The following SLC35F1 variants were observed in gnomAD, a reference collection of about 807,000 sequenced individuals.
SLC35F1 encodes chromosome 6 open reading frame 169.
SLC35F1 carries 14 observed loss-of-function variants against 48.7 expected under a neutral mutation model. The ratio of observed to expected loss-of-function variants is 0.29; its 90% CI spans 0.19 to 0.45. The LOEUF is 0.45. SLC35F1 is among the 20% of genes least tolerant of loss of function. The probability of loss-of-function intolerance (pLI) is 1.00; values close to 1 mark genes in which losing one functional copy is unlikely to be tolerated. For missense variants in SLC35F1, 404 were observed against 500.0 expected, an observed-to-expected ratio of 0.81 and a Z score of 1.83; for synonymous variants, 190 against 202.2, an observed-to-expected ratio of 0.94 and a Z score of 0.51.
intron 1 of SLC35F1, among the ~76,000 whole-genome samples, chr6:117,934,828 C>A (rs573683180): frequency 1.3e-5 from 2 of 152,156 alleles, no homozygotes; most frequent in Non-Finnish European, 2.9e-5. Context: ...CTCACTTGGC[C>A]GGGCATGGCA....
intron 1 of SLC35F1, among the ~76,000 whole-genome samples, chr6:117,946,697 C>A (rs963263943): frequency 6.6e-6 from 1 of 152,118 alleles, no homozygotes; most frequent in Non-Finnish European, 1.5e-5. Flanking sequence ...TGATACAGTA[C>A]CAAAGAAGGG....
intron 1 of SLC35F1, among the ~76,000 whole-genome samples, chr6:117,923,629 A>ATATACG (rs1491299504): frequency 0.052 from 4,057 of 77,372 alleles, 1,255 homozygotes; most frequent in African/African-American, 0.088. Context: ...GTATATATAC[A>ATATACG]TATATGTACA....
Position 117,907,683 on chromosome 6 carries a change from C to T in SLC35F1, c.-44C>T. The T allele has an allele frequency of 3.1e-6, 4 of 1,285,346 alleles. No homozygotes were observed. The highest frequency in any genetic ancestry group is 2.4e-4 in the Middle Eastern group (1 of 4,192). The allele number at this position is 1,285,346 out of a possible 1,614,324, so 79.6% of individuals were successfully genotyped here. A position where few individuals can be genotyped will look rare whatever the true frequency, so the allele number is the denominator to read the frequency against. ...GGGCCCGGAACCGGCACACGATGCACCCGGCTGCGTTCTGATCGCCGCCGC... is the reference window on the plus strand; with the variant it reads ...GGGCCCGGAACCGGCACACGATGCATCCGGCTGCGTTCTGATCGCCGCCGC... On this transcript the variant is annotated 5_prime_UTR_variant, in exon 1 of 8. Coordinates refer to ENST00000360388, the MANE Select transcript of SLC35F1 (RefSeq NM_001029858.4).
chr6:118,054,166 ATTTC>A (rs1772430602), intron 1 of SLC35F1, among the ~76,000 whole-genome samples: 1 of 151,984 alleles, frequency 6.6e-6, no homozygotes, highest in African/African-American at 2.4e-5. Context: ...TGGAGTCTTG[ATTTC>A]TTTCTTATGG....
chr6:118,166,334 G>C (rs1774317466), intron 2 of SLC35F1, among the ~76,000 whole-genome samples: 1 of 152,100 alleles, frequency 6.6e-6, no homozygotes, highest in Admixed American at 6.6e-5. Context: ...AGCTGGAGGA[G>C]TGGGCTATGG....
At chr6:118,034,259 A>G (rs1366354373) in intron 1 of SLC35F1, among the ~76,000 whole-genome samples, 2 of 152,114 alleles carry the variant, frequency 1.3e-5, no homozygotes, top group Admixed American at 1.3e-4. Flanking sequence ...ATGTTCAGGC[A>G]ACACAAAAAC....
intron 1 of SLC35F1, among the ~76,000 whole-genome samples, chr6:117,961,366 A>T (rs747684443): frequency 2.6e-5 from 4 of 152,214 alleles, no homozygotes; most frequent in Non-Finnish European, 2.9e-5. Flanking sequence ...TCTCTACAGG[A>T]TGGGAACATT....
At chr6:118,267,224 A>G (rs999470814) in intron 4 of SLC35F1, 70 bp downstream of exon 4, 1 of 1,568,960 alleles carries the variant, frequency 6.4e-7, no homozygotes, top group South Asian at 1.1e-5. Context: ...TGGAATGTTC[A>G]TAGTTGGGTG....
At chr6:118,069,471 G>C (rs766588171) in intron 1 of SLC35F1, among the ~76,000 whole-genome samples, 3 of 152,190 alleles carry the variant, frequency 2.0e-5, no homozygotes, top group Non-Finnish European at 4.4e-5. Flanking sequence ...CTTTCTCCTG[G>C]AATATGTCTA....
At chr6:118,111,167 C>T (rs1773394363) in intron 1 of SLC35F1, among the ~76,000 whole-genome samples, 1 of 152,008 alleles carries the variant, frequency 6.6e-6, no homozygotes, top group Non-Finnish European at 1.5e-5. Context: ...AGTAAGAGAA[C>T]AAATTTTTGA....
chr6:117,981,319 T>C (rs1198211816), intron 1 of SLC35F1, among the ~76,000 whole-genome samples: 1 of 152,122 alleles, frequency 6.6e-6, no homozygotes, highest in Non-Finnish European at 1.5e-5. Context: ...TACCCAAATA[T>C]AGCTGATGGC....
intron 1 of SLC35F1, among the ~76,000 whole-genome samples, chr6:118,039,398 T>A (rs1420587615): frequency 6.6e-6 from 1 of 152,106 alleles, no homozygotes; most frequent in Non-Finnish European, 1.5e-5. Flanking sequence ...GTCTTTTACA[T>A]AATCTGAGAC....
intron 1 of SLC35F1, among the ~76,000 whole-genome samples, chr6:117,921,719 A>G (rs1775901849): frequency 6.6e-6 from 1 of 152,210 alleles, no homozygotes. Flanking sequence ...TCCAAAGCAA[A>G]GAGACCCTAA....
chr6:118,278,494 C>T (rs1775944574), intron 6 of SLC35F1, among the ~76,000 whole-genome samples: 1 of 152,214 alleles, frequency 6.6e-6, no homozygotes, highest in African/African-American at 2.4e-5. Context: ...ATGAGGCCAA[C>T]TTACTGCAGA....
At chr6:118,066,486 T>A (rs546908570) in intron 1 of SLC35F1, among the ~76,000 whole-genome samples, 95 of 152,256 alleles carry the variant, frequency 6.2e-4, no homozygotes, top group Non-Finnish European at 5.3e-4. Context: ...TGGAAGTAGA[T>A]CCTTCCCTAG....
intron 1 of SLC35F1, among the ~76,000 whole-genome samples, chr6:117,943,569 G>T (rs1349507263): frequency 1.3e-5 from 2 of 152,200 alleles, no homozygotes; most frequent in Admixed American, 6.5e-5. Flanking sequence ...ACATCAGTAG[G>T]AGGTCAGAAA....
chr6:117,952,869 G>T (rs549354650), intron 1 of SLC35F1, among the ~76,000 whole-genome samples: 22 of 152,280 alleles, frequency 1.4e-4, no homozygotes, highest in African/African-American at 5.3e-4. Flanking sequence ...TTGAAGATTG[G>T]TTATTGGGCT....
intron 4 of SLC35F1, among the ~76,000 whole-genome samples, chr6:118,272,636 C>A (rs1298503587): frequency 1.3e-5 from 2 of 151,160 alleles, no homozygotes; most frequent in African/African-American, 4.9e-5. Context: ...TTTAGCTAAG[C>A]AAACTTCTTA....
At chr6:118,214,055 G>A (rs1381517862) in intron 2 of SLC35F1, among the ~76,000 whole-genome samples, 1 of 152,048 alleles carries the variant, frequency 6.6e-6, no homozygotes, top group Non-Finnish European at 1.5e-5. Flanking sequence ...AGTTTTTGTT[G>A]TTTCAAAACT....
Sources: allele counts gnomAD v4.1 joint callset (sites outside exome capture counted in the v4.1 genomes callset), GRCh38; gene constraint gnomAD v4.1.1; transcripts MANE v1.5; gene names NCBI Gene and HGNC (gene_info 2026-07-23, HGNC 2026-07-21).